Variants in KCNN2 observed in about 807,000 individuals in gnomAD.
KCNN2 encodes potassium calcium-activated channel subfamily N member 2.
KCNN2 carries 24 observed loss-of-function variants against 55.5 expected under a neutral mutation model. That is an observed-to-expected ratio of 0.43 (90% CI 0.31 to 0.61). KCNN2 has a LOEUF of 0.61. KCNN2 is among the 20% of genes least tolerant of loss of function. The pLI, the probability that KCNN2 is intolerant of heterozygous loss-of-function variation, is 0.08. For synonymous variants in KCNN2, 431 were observed against 336.1 expected (o/e 1.28, Z -3.09); for missense variants, 754 against 853.6 (o/e 0.88, Z 1.45).
chr5:114,110,713 T>G (rs78133977), intron 1 of KCNN2, among the ~76,000 whole-genome samples: 7,319 of 152,082 alleles, frequency 0.048, 201 homozygotes, highest in Non-Finnish European at 0.06. Context: ...TGCCTTAGTT[T>G]GGGATTTTGA....
At chr5:114,259,269 G>C (rs1052961332) in intron 2 of KCNN2, among the ~76,000 whole-genome samples, 1 of 152,160 alleles carries the variant, frequency 6.6e-6, no homozygotes, top group Non-Finnish European at 1.5e-5. Context: ...CACTCCCCAA[G>C]AGCTGGACCA....
At chr5:114,301,701 G>T (rs1317561233) in intron 2 of KCNN2, among the ~76,000 whole-genome samples, 1 of 152,152 alleles carries the variant, frequency 6.6e-6, no homozygotes, top group Non-Finnish European at 1.5e-5. Context: ...TCTGAGTCCT[G>T]GGTAGCCTTT....
chr5:114,344,447 G>A (rs922696523), intron 2 of KCNN2, among the ~76,000 whole-genome samples: 2 of 152,198 alleles, frequency 1.3e-5, no homozygotes, highest in Admixed American at 6.5e-5. Flanking sequence ...AAGCATCCAT[G>A]TGTGACAATA....
rs557419925 is a variant in KCNN2, at chr5:114,322,264, C to G, written c.-184-38681C>G. 4.0e-4 allele frequency among the ~76,000 whole-genome samples: 61 copies of G among 152,160 alleles called. No individual in the cohort carries two copies. In the East Asian group the frequency reaches 0.011, roughly 27 times the overall value. ...AAGAGACATTAAAATTCTTCTAGAC[C>G]AACCATTTCATTTATTGGAAGACAA... On this transcript the variant is annotated intron_variant, in intron 2 of 10. Coordinates refer to the KCNN2 transcript ENST00000512097.
intron 2 of KCNN2, among the ~76,000 whole-genome samples, chr5:114,336,637 T>C (rs547198073): frequency 3.2e-4 from 49 of 152,260 alleles, no homozygotes; most frequent in African/African-American, 1.2e-3. Flanking sequence ...TTATGAAGAA[T>C]CCAAATAAGG....
At chr5:114,139,884 C>G (rs927479232) in intron 1 of KCNN2, among the ~76,000 whole-genome samples, 1 of 151,712 alleles carries the variant, frequency 6.6e-6, no homozygotes, top group African/African-American at 2.4e-5. Context: ...CATCTGCATA[C>G]CTGGGTAAGA....
At chr5:114,193,761 C>T (rs138206488) in intron 1 of KCNN2, among the ~76,000 whole-genome samples, 4,549 of 152,216 alleles carry the variant, frequency 0.03, 236 homozygotes, top group African/African-American at 0.1. Flanking sequence ...TCTGCCCCTA[C>T]CCTAGAATTC....
chr5:114,285,344 T>C (rs773013800), intron 2 of KCNN2, among the ~76,000 whole-genome samples: 32 of 130,138 alleles, frequency 2.5e-4, no homozygotes, highest in Non-Finnish European at 4.8e-4. Flanking sequence ...TAATTCCAAG[T>C]AGGGGAGAAA....
intron 1 of KCNN2, among the ~76,000 whole-genome samples, chr5:114,104,600 A>G (rs2112574062): frequency 6.6e-6 from 1 of 152,208 alleles, no homozygotes; most frequent in African/African-American, 2.4e-5. Context: ...AAACTAGTTG[A>G]CAAGACAAGT....
chr5:114,364,136 C>T (rs558498827), intron 2 of KCNN2, 135 bp downstream of exon 2: 13 of 626,596 alleles, frequency 2.1e-5, no homozygotes, highest in African/African-American at 1.3e-4. Flanking sequence ...GTATTGTTAC[C>T]GTTAGCACCT....
intron 2 of KCNN2, among the ~76,000 whole-genome samples, chr5:114,305,447 G>A (rs1261988400): frequency 6.6e-6 from 1 of 152,118 alleles, no homozygotes; most frequent in Non-Finnish European, 1.5e-5. Context: ...TCTGTGTTGG[G>A]GTACCAAGAG....
chr5:114,305,708 C>A (rs2150024110), intron 2 of KCNN2, among the ~76,000 whole-genome samples: 1 of 152,236 alleles, frequency 6.6e-6, no homozygotes, highest in East Asian at 1.9e-4. Context: ...GCTAGTTGCA[C>A]AGTAGGAACA....
intron 5 of KCNN2, among the ~76,000 whole-genome samples, chr5:114,476,687 C>G (rs1761982943): frequency 6.6e-6 from 1 of 152,094 alleles, no homozygotes; most frequent in Non-Finnish European, 1.5e-5. Flanking sequence ...TCCCAAAGTG[C>G]TGGGATTACA....
chr5:114,468,104 T>A (rs1034262666), intron 4 of KCNN2, among the ~76,000 whole-genome samples: 2 of 152,104 alleles, frequency 1.3e-5, no homozygotes, highest in African/African-American at 4.8e-5. Context: ...GAAATTGACC[T>A]CCACCCTTAG....
chr5:114,425,098 G>C (rs970396678), intron 3 of KCNN2, among the ~76,000 whole-genome samples: 2 of 152,174 alleles, frequency 1.3e-5, no homozygotes, highest in Non-Finnish European at 2.9e-5. Flanking sequence ...ATGTATGAAA[G>C]GCAAGCCTGG....
At chr5:114,393,003 C>G (rs943037464) in intron 2 of KCNN2, among the ~76,000 whole-genome samples, 17 of 151,880 alleles carry the variant, frequency 1.1e-4, no homozygotes, top group Admixed American at 3.3e-4. Context: ...GGGAAAAGCA[C>G]CATATACTGT....
intron 1 of KCNN2, among the ~76,000 whole-genome samples, chr5:114,065,846 GTTTTTTTTTTTTTTT>G (rs56127808): frequency 6.4e-4 from 29 of 45,196 alleles, no homozygotes; most frequent in African/African-American, 2.0e-3. Flanking sequence ...TCCTATGCAG[GTTTTTTTTTTTTTTT>G]TTTTTTTTTT....
chr5:114,369,475 T>G (rs1757699834), intron 2 of KCNN2, among the ~76,000 whole-genome samples: 1 of 152,198 alleles, frequency 6.6e-6, no homozygotes, highest in Non-Finnish European at 1.5e-5. Flanking sequence ...GTCTTAAGTT[T>G]TCTGCTATGG....
chr5:114,107,530 A>T (rs2112578111), intron 1 of KCNN2, among the ~76,000 whole-genome samples: 1 of 151,820 alleles, frequency 6.6e-6, no homozygotes, highest in Non-Finnish European at 1.5e-5. Context: ...GACTACAGCC[A>T]TGCACAACCA....
Sources: allele counts gnomAD v4.1 joint callset (sites outside exome capture counted in the v4.1 genomes callset), GRCh38; gene constraint gnomAD v4.1.1; transcripts MANE v1.5; gene names NCBI Gene and HGNC (gene_info 2026-07-23, HGNC 2026-07-21).